The following MCPH1 variants were observed in gnomAD, a reference collection of about 807,000 sequenced individuals.
MCPH1 encodes the protein microcephalin 1, also known as microcephalin.
A neutral mutation model predicts 84.5 loss-of-function variants in MCPH1; 104 were observed. The ratio of observed to expected loss-of-function variants is 1.23; its 90% CI spans 1.05 to 1.45. MCPH1 has a LOEUF of 1.45. Ranked by LOEUF, MCPH1 falls within the 40% of genes most tolerant of loss-of-function variation. The pLI is 0.00. For missense variants in MCPH1, 1,498 were observed against 1,005.7 expected (o/e 1.49, Z -6.62); for synonymous variants, 514 against 366.8 (o/e 1.40, Z -4.58).
chr8:6,533,188 C>T (rs1171273099), intron 12 of MCPH1, among the ~76,000 whole-genome samples: 2 of 152,194 alleles, frequency 1.3e-5, no homozygotes, highest in Non-Finnish European at 2.9e-5. Context: ...GTGCCATGGG[C>T]TGGTTCTTCT....
chr8:6,623,140 A>C (rs915625669), intron 13 of MCPH1, among the ~76,000 whole-genome samples: 1 of 149,958 alleles, frequency 6.7e-6, no homozygotes, highest in Non-Finnish European at 1.5e-5. Context: ...GGTGTGAGCC[A>C]CTGCACCCAG....
At chr8:6,503,266 G>T (rs1812559305) in intron 12 of MCPH1, 1 of 1,614,072 alleles carries the variant, frequency 6.2e-7, no homozygotes, top group Non-Finnish European at 8.5e-7. Flanking sequence ...ACCAGCCTGT[G>T]AAAGTAAAAC....
At chr8:6,486,146 TTATC>T (rs1809877875) in intron 11 of MCPH1, among the ~76,000 whole-genome samples, 1 of 152,230 alleles carries the variant, frequency 6.6e-6, no homozygotes, top group South Asian at 2.1e-4. Flanking sequence ...ACTTTAATAT[TTATC>T]TATGTCTTGC....
chr8:6,604,902 G>A (rs1829642677), intron 12 of MCPH1, among the ~76,000 whole-genome samples: 1 of 152,252 alleles, frequency 6.6e-6, no homozygotes, highest in South Asian at 2.1e-4. Context: ...GAGTCTCTAA[G>A]TAAGGAGGAG....
chr8:6,534,598 C>G (rs1274331923), intron 12 of MCPH1, among the ~76,000 whole-genome samples: 1 of 152,134 alleles, frequency 6.6e-6, no homozygotes, highest in African/African-American at 2.4e-5. Context: ...TGAACCAAAA[C>G]AGAGTAGACC....
chr8:6,627,337 G>A (rs980734387), intron 13 of MCPH1: 5 of 971,908 alleles, frequency 5.1e-6, no homozygotes, highest in Non-Finnish European at 6.1e-6. Context: ...AGAGGAGAGT[G>A]AGGACGGGGA....
chr8:6,439,361 T>TTCTTTTTTTTTAAAAAAAAATGAATCATG lies in MCPH1; in HGVS notation c.580+277_580+305dup, dbSNP rs1206490757. 2.4e-3 allele frequency among the ~76,000 whole-genome samples: 184 copies of TTCTTTTTTTTTAAAAAAAAATGAATCATG among 75,756 alleles called. 1 individual carries two copies. The highest frequency in any genetic ancestry group is 5.1e-3 in the African/African-American group (183 of 35,858). The allele number at this position is 75,756 out of a possible 152,430, so 49.7% of individuals were successfully genotyped here. On this transcript the variant is annotated intron_variant, in intron 6 of 13. Transcript: ENST00000344683. Reference sequence around the variant, plus strand: ...TTCTATTATCTTTGGAATTTTTTCTTTCTTTTTTTTTAAAAAAAAATGAAT... The same window carrying TTCTTTTTTTTTAAAAAAAAATGAATCATG: ...TTCTATTATCTTTGGAATTTTTTCTTTCTTTTTTTTTAAAAAAAAATGAATCATGTCTTTTTTTTTAAAAAAAAATGAAT...
At chr8:6,416,801 C>G (rs542899620) in intron 3 of MCPH1, among the ~76,000 whole-genome samples, 1 of 144,632 alleles carries the variant, frequency 6.9e-6, no homozygotes, top group East Asian at 2.1e-4. Flanking sequence ...TGAGACCAGC[C>G]TGATCAATAT....
Position 6,499,930 on chromosome 8 carries a change from G to T in MCPH1, c.2214+1G>T. On this transcript the variant is annotated splice_donor_variant, in intron 12 of 13. Coordinates refer to ENST00000344683, the MANE Select transcript of MCPH1 (RefSeq NM_024596.5). LOFTEE classifies it high-confidence loss of function. ...GTCTCACCACTTCCCTGCAGCTCCC[G>T]TAAGTCAGATGTTGTTTTACGATGG... 5 of 1,612,942 alleles carry T rather than the reference G, an allele frequency of 3.1e-6. 1 individual carries two copies. The South Asian group carries it at 3.3e-5, about 11-fold the overall frequency.
chr8:6,547,233 C>T (rs1822765368), intron 12 of MCPH1, among the ~76,000 whole-genome samples: 2 of 152,084 alleles, frequency 1.3e-5, no homozygotes, highest in African/African-American at 2.4e-5. Flanking sequence ...AATTTACTTG[C>T]ATGCCACAGC....
At chr8:6,551,381 G>A (rs1195883082) in intron 12 of MCPH1, among the ~76,000 whole-genome samples, 1 of 148,540 alleles carries the variant, frequency 6.7e-6, no homozygotes, top group Non-Finnish European at 1.5e-5. Context: ...GGCCAATTAT[G>A]TAACTGTAAA....
At chr8:6,500,506 CA>C (rs1319527405) in intron 12 of MCPH1, 1 of 154,168 alleles carries the variant, frequency 6.5e-6, no homozygotes, top group Non-Finnish European at 1.4e-5. Flanking sequence ...TTTATTCATT[CA>C]AAAGATTAAT....
At chr8:6,467,524 C>G (rs1807131050) in intron 9 of MCPH1, among the ~76,000 whole-genome samples, 3 of 152,018 alleles carry the variant, frequency 2.0e-5, no homozygotes, top group Non-Finnish European at 4.4e-5. Context: ...GAAGTTTTAA[C>G]AAAAACGAGG....
At chr8:6,437,231 T>A (rs1402229158) in intron 5 of MCPH1, among the ~76,000 whole-genome samples, 2 of 152,022 alleles carry the variant, frequency 1.3e-5, no homozygotes, top group Non-Finnish European at 2.9e-5. Context: ...TTGTCGAGAT[T>A]TATTTTATTT....
chr8:6,636,345 A>C (rs535113545), intron 13 of MCPH1, among the ~76,000 whole-genome samples: 2 of 152,158 alleles, frequency 1.3e-5, no homozygotes, highest in East Asian at 3.9e-4. Context: ...CAAAAAAAAA[A>C]AAAAAAAAGT....
intron 12 of MCPH1, chr8:6,503,049 G>T: frequency 6.2e-7 from 1 of 1,604,958 alleles, no homozygotes; most frequent in Non-Finnish European, 8.5e-7. Context: ...AGTGCACTGG[G>T]CTTAAGTCTT....
intron 12 of MCPH1, among the ~76,000 whole-genome samples, chr8:6,546,049 A>G (rs1472209910): frequency 6.6e-6 from 1 of 152,266 alleles, no homozygotes; most frequent in Non-Finnish European, 1.5e-5. Context: ...ACCCGGTGTG[A>G]GTCCCAGTTC....
intron 9 of MCPH1, chr8:6,474,310 A>T (rs1808151409): frequency 2.0e-6 from 1 of 505,004 alleles, no homozygotes. Flanking sequence ...GGTTTTTCCA[A>T]CCTCTGGTGT....
intron 12 of MCPH1, among the ~76,000 whole-genome samples, chr8:6,547,901 T>G (rs1822900010): frequency 6.6e-6 from 1 of 151,348 alleles, no homozygotes; most frequent in Non-Finnish European, 1.5e-5. Context: ...TTTTTTTTTT[T>G]TAACCAAAAC....
Sources: allele counts gnomAD v4.1 joint callset (sites outside exome capture counted in the v4.1 genomes callset), GRCh38; gene constraint gnomAD v4.1.1; transcripts MANE v1.5; gene names NCBI Gene and HGNC (gene_info 2026-07-23, HGNC 2026-07-21).